WDR70: variants seen among roughly 807,000 people sequenced by gnomAD.
WDR70 encodes WD repeat-containing protein 70.
WDR70 carries 53 observed loss-of-function variants against 88.6 expected under a neutral mutation model. That is an observed-to-expected ratio of 0.60 (90% CI 0.48 to 0.75). WDR70 has a LOEUF of 0.75. Ranked by LOEUF, WDR70 falls within the 30% of genes least tolerant of loss-of-function variation. The pLI, the probability that WDR70 is intolerant of heterozygous loss-of-function variation, is 0.00. For synonymous variants in WDR70, 280 were observed against 270.0 expected, an observed-to-expected ratio of 1.04 and a Z score of -0.36; for missense variants, 610 against 823.2, an observed-to-expected ratio of 0.74 and a Z score of 3.17.
At chr5:37,694,686 GGGCCTGTT>G (rs1746926492) in intron 10 of WDR70, among the ~76,000 whole-genome samples, 1 of 152,000 alleles carries the variant, frequency 6.6e-6, no homozygotes, top group South Asian at 2.1e-4. Context: ...TCACACACTG[GGGCCTGTT>G]GGGGGGTGTG....
At chr5:37,404,326 A>G in intron 5 of WDR70, among the ~76,000 whole-genome samples, 1 of 152,190 alleles carries the variant, frequency 6.6e-6, no homozygotes. Flanking sequence ...ACCTAAGGAT[A>G]TGGGATATTG....
At chr5:37,548,740 C>T (rs984080745) in intron 9 of WDR70, among the ~76,000 whole-genome samples, 4 of 152,084 alleles carry the variant, frequency 2.6e-5, no homozygotes, top group Non-Finnish European at 5.9e-5. Context: ...TGGAGAGTTT[C>T]CCTAATGTTT....
intron 10 of WDR70, among the ~76,000 whole-genome samples, chr5:37,651,707 A>C (rs1020858900): frequency 1.3e-5 from 2 of 152,210 alleles, no homozygotes; most frequent in African/African-American, 4.8e-5. Flanking sequence ...GCTAATGACC[A>C]GTGATGATGA....
chr5:37,727,134 T>A, intron 17 of WDR70, 89 bp downstream of exon 17: 1 of 1,471,984 alleles, frequency 6.8e-7, no homozygotes. Context: ...TTCTAACTTC[T>A]CTATTTCTTA....
intron 10 of WDR70, among the ~76,000 whole-genome samples, chr5:37,610,642 A>G (rs774253088): frequency 3.4e-4 from 52 of 152,172 alleles, no homozygotes; most frequent in Non-Finnish European, 6.0e-4. Context: ...CACTGAGAAT[A>G]AGACAAAAGA....
intron 9 of WDR70, among the ~76,000 whole-genome samples, chr5:37,528,704 C>T (rs1741385512): frequency 6.6e-6 from 1 of 152,088 alleles, no homozygotes; most frequent in South Asian, 2.1e-4. Flanking sequence ...CTTGTAGATT[C>T]TAGGTATTAG....
chr5:37,632,602 T>A (rs908717886), intron 10 of WDR70, among the ~76,000 whole-genome samples: 26 of 152,176 alleles, frequency 1.7e-4, no homozygotes, highest in Non-Finnish European at 3.4e-4. Flanking sequence ...AGACAAAAGT[T>A]TATAGAGTAA....
At chr5:37,549,432 G>A (rs773890448) in intron 9 of WDR70, among the ~76,000 whole-genome samples, 5 of 152,030 alleles carry the variant, frequency 3.3e-5, no homozygotes, top group African/African-American at 1.2e-4. Flanking sequence ...TTCTTTTTCA[G>A]ATTGGTCATT....
intron 10 of WDR70, among the ~76,000 whole-genome samples, chr5:37,623,705 C>G (rs1744582137): frequency 1.3e-5 from 2 of 152,054 alleles, no homozygotes; most frequent in Non-Finnish European, 1.5e-5. Context: ...AAAAATAGTA[C>G]TTTGCATCAC....
In WDR70 at chr5:37,423,564, C is replaced by CTT. The variant is rs374709152; in HGVS notation, c.493-14341_493-14340dup. Among the ~76,000 whole-genome samples the CTT allele has an allele frequency of 2.7e-3, 321 of 118,390 alleles. 4 individuals are homozygous for CTT. In the East Asian group the frequency reaches 0.049, roughly 18 times the overall value. 77.7% of individuals were successfully genotyped at this position (118,390 alleles called of 152,430 possible). A position where few individuals can be genotyped will look rare whatever the true frequency, so the allele number is the denominator to read the frequency against. ...TGTTTAAATGTTTGTTTTTTTTTGT[C>CTT]TTTTTTTTTTTTTTTTTTAGATGGT... On this transcript the variant is annotated intron_variant, in intron 5 of 17. Coordinates refer to ENST00000265107, the MANE Select transcript of WDR70 (RefSeq NM_018034.4).
chr5:37,519,177 G>A (rs1489208776), intron 9 of WDR70, among the ~76,000 whole-genome samples: 1 of 152,050 alleles, frequency 6.6e-6, no homozygotes, highest in Non-Finnish European at 1.5e-5. Flanking sequence ...TCGTCATCAT[G>A]GCCCATTCTC....
chr5:37,394,622 G>GTGTGCCTGAAAGT (rs1235495621), intron 4 of WDR70, among the ~76,000 whole-genome samples: 1 of 152,206 alleles, frequency 6.6e-6, no homozygotes, highest in Non-Finnish European at 1.5e-5. Context: ...GGAAGTGGTG[G>GTGTGCCTGAAAGT]TGTGCCTGAA....
intron 9 of WDR70, among the ~76,000 whole-genome samples, chr5:37,598,192 C>T (rs572611540): frequency 3.3e-5 from 5 of 152,244 alleles, no homozygotes; most frequent in South Asian, 2.1e-4. Flanking sequence ...TTTGTCTCTT[C>T]GTTCTACCCT....
At chr5:37,478,652 C>G (rs1739559805) in intron 7 of WDR70, among the ~76,000 whole-genome samples, 1 of 152,184 alleles carries the variant, frequency 6.6e-6, no homozygotes, top group Non-Finnish European at 1.5e-5. Context: ...AGATCTGAAG[C>G]TAAAATAACC....
At chr5:37,453,033 G>A (rs1738721792) in intron 7 of WDR70, among the ~76,000 whole-genome samples, 1 of 152,210 alleles carries the variant, frequency 6.6e-6, no homozygotes, top group Admixed American at 6.5e-5. Context: ...ACTTTAAAAA[G>A]ACTGACATTA....
intron 8 of WDR70, among the ~76,000 whole-genome samples, chr5:37,483,097 C>T (rs1173835012): frequency 3.6e-5 from 5 of 139,588 alleles, no homozygotes; most frequent in Non-Finnish European, 7.8e-5. Context: ...AGAAAGTGGT[C>T]TCAGTTTTTT....
chr5:37,665,885 A>G (rs778126055), intron 10 of WDR70, among the ~76,000 whole-genome samples: 9 of 152,142 alleles, frequency 5.9e-5, no homozygotes, highest in Non-Finnish European at 1.0e-4. Flanking sequence ...CCCTGGCGCC[A>G]CTGGGCCCGC....
intron 8 of WDR70, among the ~76,000 whole-genome samples, chr5:37,511,335 CATT>C (rs1740714178): frequency 6.6e-6 from 1 of 152,050 alleles, no homozygotes; most frequent in Non-Finnish European, 1.5e-5. Flanking sequence ...TCGTTACTAT[CATT>C]ATTTATTGTG....
At chr5:37,561,964 G>A (rs1742519995) in intron 9 of WDR70, among the ~76,000 whole-genome samples, 1 of 152,220 alleles carries the variant, frequency 6.6e-6, no homozygotes, top group South Asian at 2.1e-4. Context: ...GGTATTCCAT[G>A]ATGCTGTCTC....
Sources: gnomAD v4.1 joint callset for allele counts (sites outside exome capture counted in the v4.1 genomes callset) on GRCh38, gnomAD v4.1.1 for gene constraint, MANE v1.5 for transcripts, NCBI Gene and HGNC (gene_info 2026-07-23, HGNC 2026-07-21) for gene names.